The following LRRFIP2 variants were observed in gnomAD, a reference collection of about 807,000 sequenced individuals.
The protein encoded by LRRFIP2 is leucine-rich repeat flightless-interacting protein 2.
LRRFIP2 carries 109 observed loss-of-function variants against 125.9 expected under a neutral mutation model. That is an observed-to-expected ratio of 0.87 (90% CI 0.74 to 1.01). The LOEUF (loss-of-function observed/expected upper bound fraction) is 1.01, where lower values mean the gene tolerates loss of function less well. Ranked by LOEUF, LRRFIP2 falls within the 50% of genes least tolerant of loss-of-function variation. The pLI is 0.00. For missense variants in LRRFIP2, 850 were observed against 862.3 expected (o/e 0.99, Z 0.18); for synonymous variants, 291 against 293.1 (o/e 0.99, Z 0.07).
chr3:37,069,134 G>C (rs904103871), intron 21 of LRRFIP2, among the ~76,000 whole-genome samples: 1 of 152,200 alleles, frequency 6.6e-6, no homozygotes, highest in Non-Finnish European at 1.5e-5. Flanking sequence ...TTGTTCACTA[G>C]TGGTGGGAAT....
intron 15 of LRRFIP2, 48 bp downstream of exon 15, chr3:37,102,876 T>C: frequency 8.1e-7 from 1 of 1,230,602 alleles, no homozygotes; most frequent in East Asian, 2.6e-5. Flanking sequence ...TAGCTGTTAG[T>C]CACAAGCCTG....
intron 19 of LRRFIP2, among the ~76,000 whole-genome samples, chr3:37,076,939 C>G (rs1173344463): frequency 6.6e-6 from 1 of 152,012 alleles, no homozygotes; most frequent in East Asian, 1.9e-4. Context: ...CGGAAACGGA[C>G]AGTTTACAGA....
Position 37,083,814 on chromosome 3 carries a change from A to T in LRRFIP2, c.1108-8T>A. The T allele has an allele frequency of 6.3e-7, 1 of 1,583,202 alleles. No individual in the cohort carries two copies. The highest frequency in any genetic ancestry group is 8.5e-7 in the Non-Finnish European group (1 of 1,169,600). Reference sequence around the variant, plus strand: ...CACTTCAGACAAAGATTCCTAAATGAGAGTTAAGTCATCAGTCTGATATCT... The same window carrying T: ...CACTTCAGACAAAGATTCCTAAATGTGAGTTAAGTCATCAGTCTGATATCT... On this transcript the variant is annotated splice_polypyrimidine_tract_variant and splice_region_variant and intron_variant, in intron 18 of 27. Coordinates refer to ENST00000336686, the MANE Select transcript of LRRFIP2 (RefSeq NM_006309.4).
chr3:37,108,376 C>A (rs1358054585), intron 12 of LRRFIP2, among the ~76,000 whole-genome samples: 4 of 152,158 alleles, frequency 2.6e-5, no homozygotes, highest in Non-Finnish European at 5.9e-5. Context: ...AACTAATGAA[C>A]AAGAAAAGTG....
chr3:37,129,024 G>T (rs978981623), intron 3 of LRRFIP2, 39 bp downstream of exon 3: 23 of 1,564,936 alleles, frequency 1.5e-5, no homozygotes, highest in Non-Finnish European at 1.9e-5. Flanking sequence ...TGATTTTGGG[G>T]GAGACAAATA....
At position 37,128,981 on chromosome 3, in the gene LRRFIP2, C is replaced by T. The variant is rs185709274; in HGVS notation, c.177+82G>A. 7.5e-4 allele frequency: 929 copies of T among 1,241,206 alleles called. 12 individuals carry two copies. In the Middle Eastern group the frequency reaches 0.022, roughly 29 times the overall value. 76.9% of individuals were successfully genotyped at this position (1,241,206 alleles called of 1,614,324 possible). A position where few individuals can be genotyped will look rare whatever the true frequency, so the allele number is the denominator to read the frequency against. ...ACTATTTTCAATGTTTCAAAGGAAA[C>T]CAGATTCACATCAGAATAAACTAGC... On this transcript the variant is annotated intron_variant, in intron 3 of 27. Coordinates refer to ENST00000336686, the MANE Select transcript of LRRFIP2 (RefSeq NM_006309.4).
chr3:37,175,956 G>C (rs936663192), upstream of LRRFIP2: 6 of 152,244 alleles, frequency 3.9e-5, no homozygotes, highest in Non-Finnish European at 7.3e-5. Flanking sequence ...CCCTAGCCGA[G>C]GTCGGAGGCG....
In LRRFIP2 at chr3:37,093,621, C is replaced by A. The variant is rs574022175; in HGVS notation, c.1035+1171G>T. ...AACCACAGGGTTACTGAACTTCTGGCCTGCAATGCTTCCTCTGACTGTGAT... is the reference window on the plus strand; with the variant it reads ...AACCACAGGGTTACTGAACTTCTGGACTGCAATGCTTCCTCTGACTGTGAT... On this transcript the variant is annotated intron_variant, in intron 17 of 27. Transcript: ENST00000336686. 1.9e-4 allele frequency among the ~76,000 whole-genome samples: 29 copies of A among 152,280 alleles called. No homozygotes were observed. The South Asian group carries it at 5.0e-3, about 26-fold the overall frequency.
intron 1 of LRRFIP2, among the ~76,000 whole-genome samples, chr3:37,159,960 G>A: frequency 8.4e-6 from 1 of 118,428 alleles, no homozygotes; most frequent in Non-Finnish European, 1.6e-5. Flanking sequence ...CAGGAGGATT[G>A]CTTGAGCCCA....
In LRRFIP2 at chr3:37,094,422, G is replaced by C. The variant is rs554175646; in HGVS notation, c.1035+370C>G. Among the ~76,000 whole-genome samples the C allele has an allele frequency of 5.3e-5, 8 of 152,222 alleles. No homozygotes were observed. In the South Asian group the frequency reaches 8.3e-4, roughly 16 times the overall value. On this transcript the variant is annotated intron_variant, in intron 17 of 27. Coordinates refer to ENST00000336686, the MANE Select transcript of LRRFIP2 (RefSeq NM_006309.4). ...ATTCAAGCAGCTGAATACCATCAAGGCTCAAAAGACTAATAATTCCCACAA... is the reference window on the plus strand; with the variant it reads ...ATTCAAGCAGCTGAATACCATCAAGCCTCAAAAGACTAATAATTCCCACAA...
chr3:37,154,125 G>A (rs1034957375), intron 1 of LRRFIP2, among the ~76,000 whole-genome samples: 6 of 152,086 alleles, frequency 3.9e-5, no homozygotes, highest in African/African-American at 4.8e-5. Flanking sequence ...ACGGTGAGCC[G>A]TGATAATACC....
intron 19 of LRRFIP2, among the ~76,000 whole-genome samples, chr3:37,079,006 CT>C (rs1157494398): frequency 6.6e-6 from 1 of 151,932 alleles, no homozygotes; most frequent in Non-Finnish European, 1.5e-5. Context: ...CAACCAATTC[CT>C]TTTTTTGAAA....
intron 18 of LRRFIP2, among the ~76,000 whole-genome samples, chr3:37,086,799 G>C (rs2093077175): frequency 6.6e-6 from 1 of 151,980 alleles, no homozygotes; most frequent in African/African-American, 2.4e-5. Context: ...TATTTTAAAT[G>C]GGTAAATTCT....
chr3:37,076,835 C>T (rs1231152201), intron 19 of LRRFIP2, among the ~76,000 whole-genome samples: 1 of 152,124 alleles, frequency 6.6e-6, no homozygotes, highest in Non-Finnish European at 1.5e-5. Flanking sequence ...CATTGCACTC[C>T]AGCCTGGGCA....
At position 37,131,625 on chromosome 3, in the gene LRRFIP2, T is replaced by C. The variant is rs544768244; in HGVS notation, c.91-2476A>G. ...CTATCCCCTCTGATAACTATAGTTG[T>C]TGTCTTCCCATGTTGTTATATTCGT... On this transcript the variant is annotated intron_variant, in intron 2 of 27. Coordinates refer to ENST00000336686, the MANE Select transcript of LRRFIP2 (RefSeq NM_006309.4). Among the ~76,000 whole-genome samples the C allele has an allele frequency of 2.6e-5, 4 of 152,232 alleles. No homozygotes were observed. In the East Asian group the frequency reaches 5.8e-4, roughly 22 times the overall value.
intron 2 of LRRFIP2, among the ~76,000 whole-genome samples, chr3:37,132,678 T>C (rs1440315075): frequency 1.3e-5 from 2 of 152,122 alleles, no homozygotes; most frequent in Admixed American, 6.5e-5. Flanking sequence ...TAAGCAGGAG[T>C]AGCAAGGAGC....
At chr3:37,121,297 G>C (rs752204826) in intron 6 of LRRFIP2, among the ~76,000 whole-genome samples, 195 bp downstream of exon 6, 5 of 152,212 alleles carry the variant, frequency 3.3e-5, no homozygotes, top group African/African-American at 4.8e-5. Context: ...AAGTATTCAT[G>C]ATTTTAGAGT....
chr3:37,174,870 G>C (rs1000943509), upstream of LRRFIP2: 5 of 152,168 alleles, frequency 3.3e-5, no homozygotes, highest in Admixed American at 6.5e-5. Flanking sequence ...GATTCACAAA[G>C]TGAGTGATCT....
chr3:37,152,846 A>G (rs2096070856), intron 1 of LRRFIP2, among the ~76,000 whole-genome samples: 1 of 152,270 alleles, frequency 6.6e-6, no homozygotes, highest in African/African-American at 2.4e-5. Context: ...TTGACAATTT[A>G]GTGAATGCAC....
Sources: allele counts gnomAD v4.1 joint callset (sites outside exome capture counted in the v4.1 genomes callset), GRCh38; gene constraint gnomAD v4.1.1; transcripts MANE v1.5; gene names NCBI Gene and HGNC (gene_info 2026-07-23, HGNC 2026-07-21).